STAG2: variants seen among roughly 807,000 people sequenced by gnomAD.
The protein encoded by STAG2 is STAG2 cohesin complex component.
A neutral mutation model predicts 108.1 loss-of-function variants in STAG2; 14 were observed. The observed-to-expected ratio is 0.13, with a 90% CI of 0.09 to 0.20. STAG2 has a LOEUF of 0.20. Ranked by LOEUF, STAG2 falls within the 10% of genes least tolerant of loss-of-function variation. The pLI is 1.00. For missense variants in STAG2, 440 were observed against 940.9 expected (o/e 0.47, Z 6.96); for synonymous variants, 307 against 302.7 (o/e 1.01, Z -0.15).
chrX:124,024,395 A>G (rs1371162117), intron 3 of STAG2, among the ~76,000 whole-genome samples: 1 of 110,693 alleles, frequency 9.0e-6, no homozygotes, highest in Non-Finnish European at 1.9e-5. Context: ...GCAAGACCAT[A>G]TAGACATGTG....
In STAG2 at chrX:124,058,753, A is replaced by G. The variant is rs781267707; in HGVS notation, c.1416+776A>G. Among the ~76,000 whole-genome samples, 3 of 112,138 alleles carry G rather than the reference A, an allele frequency of 2.7e-5. No individual in the cohort carries two copies. The East Asian group carries it at 8.4e-4, about 31-fold the overall frequency. On this transcript the variant is annotated intron_variant, in intron 15 of 34. Transcript: ENST00000371145. ...GATGTAGACTTAAACTAGTCTCCCT[A>G]AAGTTGGAAACCTACAATGTTAGCC...
chrX:124,085,525 A>G (rs2059078037), intron 29 of STAG2, among the ~76,000 whole-genome samples: 1 of 110,935 alleles, frequency 9.0e-6, no homozygotes, highest in Non-Finnish European at 1.9e-5. Context: ...GCCGCGGCTC[A>G]CACCTGTAAT....
intron 1 of STAG2, among the ~76,000 whole-genome samples, chrX:123,969,633 C>T (rs1306765517): frequency 5.5e-5 from 6 of 109,729 alleles, no homozygotes. Flanking sequence ...GTATCTTAGT[C>T]TCAGTTTTCT....
intron 1 of STAG2, among the ~76,000 whole-genome samples, chrX:123,995,016 A>C (rs2055663519): frequency 9.0e-6 from 1 of 111,569 alleles, no homozygotes; most frequent in Admixed American, 9.6e-5. Context: ...TAAACAAAAA[A>C]CCTCTGCAAA....
At chrX:124,077,271 G>T (rs1201597691) in intron 26 of STAG2, among the ~76,000 whole-genome samples, 1 of 109,061 alleles carries the variant, frequency 9.2e-6, no homozygotes, top group East Asian at 2.9e-4. Context: ...TTTAAACTAA[G>T]GTTGTTTATG....
chrX:124,072,310 A>G (rs192092849), intron 25 of STAG2, among the ~76,000 whole-genome samples: 4 of 112,229 alleles, frequency 3.6e-5, no homozygotes, highest in African/African-American at 6.5e-5. Context: ...ATCAACATGT[A>G]TATATCCATA....
chrX:123,979,266 T>C (rs1319817292), intron 1 of STAG2, among the ~76,000 whole-genome samples: 2 of 111,065 alleles, frequency 1.8e-5, no homozygotes, highest in Non-Finnish European at 3.8e-5. Flanking sequence ...CCAGCCCTCC[T>C]TTTTCAGTTT....
upstream of STAG2, chrX:123,961,126 C>T (rs761365533): frequency 3.8e-5 from 4 of 106,017 alleles, no homozygotes; most frequent in African/African-American, 1.4e-4. Flanking sequence ...TCCTTTCTCC[C>T]TTCTCCCCCC....
At chrX:123,983,043 G>A (rs2054965311) in intron 1 of STAG2, among the ~76,000 whole-genome samples, 1 of 110,929 alleles carries the variant, frequency 9.0e-6, no homozygotes, top group South Asian at 3.7e-4. Context: ...TCCCTGCTTC[G>A]GAGATGTTAA....
intron 29 of STAG2, among the ~76,000 whole-genome samples, chrX:124,086,341 C>T (rs1422974766): frequency 9.0e-6 from 1 of 111,346 alleles, no homozygotes; most frequent in Non-Finnish European, 1.9e-5. Flanking sequence ...GTGCCTGGGA[C>T]ATAATAGGTA....
chrX:124,026,322 A>G (rs1025033426), intron 4 of STAG2, among the ~76,000 whole-genome samples: 5 of 110,707 alleles, frequency 4.5e-5, no homozygotes, highest in African/African-American at 9.8e-5. Flanking sequence ...ACATACAACC[A>G]GTTTAAGGCT....
chrX:124,056,307 A>T, intron 14 of STAG2, 72 bp downstream of exon 14: 1 of 640,446 alleles, frequency 1.6e-6, no homozygotes, highest in Non-Finnish European at 2.4e-6. Flanking sequence ...GTTATACTTG[A>T]CATTAAGATT....
intron 1 of STAG2, among the ~76,000 whole-genome samples, chrX:124,009,443 G>GTAGGTAGGTAGATAGA (rs1556479689): frequency 1.1e-4 from 7 of 63,594 alleles, no homozygotes; most frequent in African/African-American, 4.3e-4. Context: ...AGGTAGGTAG[G>GTAGGTAGGTAGATAGA]TAGATAGATA....
intron 34 of STAG2, among the ~76,000 whole-genome samples, chrX:124,097,179 C>CAAAAAAAAAAA (rs56942682): frequency 2.4e-4 from 9 of 38,194 alleles, no homozygotes; most frequent in African/African-American, 1.0e-3. Flanking sequence ...GACCCTGTCT[C>CAAAAAAAAAAA]AAAAAAAAAA....
chrX:123,999,228 A>G (rs929532514), intron 1 of STAG2, among the ~76,000 whole-genome samples: 1 of 111,875 alleles, frequency 8.9e-6, no homozygotes, highest in Admixed American at 9.5e-5. Flanking sequence ...TATTCTATAC[A>G]TGTGCTTTTG....
intron 24 of STAG2, among the ~76,000 whole-genome samples, chrX:124,068,887 ATGT>A (rs1299033696): frequency 8.9e-6 from 1 of 111,996 alleles, no homozygotes; most frequent in African/African-American, 3.2e-5. Context: ...TTGTCATTTT[ATGT>A]TGTTGTTTCT....
chrX:124,027,341 GCT>G (rs1361647496), intron 4 of STAG2, among the ~76,000 whole-genome samples: 8 of 112,388 alleles, frequency 7.1e-5, no homozygotes, highest in Non-Finnish European at 1.3e-4. Context: ...AATTTTGTGT[GCT>G]CTCTTATTTC....
At chrX:124,045,702 T>A (rs2057854468) in intron 8 of STAG2, among the ~76,000 whole-genome samples, 1 of 111,368 alleles carries the variant, frequency 9.0e-6, no homozygotes, top group African/African-American at 3.3e-5. Context: ...TAGGTATGCA[T>A]TGGATTATTG....
chrX:124,038,118 AGTG>A (rs2057575873), intron 6 of STAG2, among the ~76,000 whole-genome samples: 1 of 112,533 alleles, frequency 8.9e-6, no homozygotes, highest in Non-Finnish European at 1.9e-5. Context: ...TGTTGTGTGT[AGTG>A]GTGTCTTTAA....
Sources: gnomAD v4.1 joint callset for allele counts (sites outside exome capture counted in the v4.1 genomes callset) on GRCh38, gnomAD v4.1.1 for gene constraint, MANE v1.5 for transcripts, NCBI Gene and HGNC (gene_info 2026-07-23, HGNC 2026-07-21) for gene names.